Variants in LTBP3 observed in about 807,000 individuals in gnomAD.
LTBP3 encodes the protein latent-transforming growth factor beta-binding protein 3.
Under a neutral mutation model 159.7 loss-of-function variants are expected in LTBP3, and 97 were observed. The observed-to-expected ratio is 0.61, with a 90% CI of 0.52 to 0.72. The LOEUF (loss-of-function observed/expected upper bound fraction) is 0.72, where lower values mean the gene tolerates loss of function less well. LTBP3 is among the 30% of genes least tolerant of loss of function. The pLI is 0.00. For missense variants in LTBP3, 1,584 were observed against 1,864.3 expected, an observed-to-expected ratio of 0.85 and a Z score of 2.77; for synonymous variants, 824 against 777.1, an observed-to-expected ratio of 1.06 and a Z score of -1.00.
chr11:65,551,324 C>G (rs1037136001), intron 10 of LTBP3, 78 bp downstream of exon 10: 1 of 1,562,134 alleles, frequency 6.4e-7, no homozygotes. Context: ...TGACTGTCCC[C>G]GAGTACTTAA....
intron 18 of LTBP3, chr11:65,542,032 G>A (rs964926743): frequency 7.8e-5 from 30 of 382,214 alleles, no homozygotes; most frequent in Non-Finnish European, 1.5e-5. Flanking sequence ...CCTTACTCTA[G>A]ACCACCCTCC....
chr11:65,551,729 A>G (rs780557114), intron 8 of LTBP3, 165 bp from the exon 9 acceptor site: 132 of 953,432 alleles, frequency 1.4e-4, no homozygotes, highest in Non-Finnish European at 2.0e-4. Flanking sequence ...GTGTTTGCAT[A>G]GTAGTCACAT....
chr11:65,552,975 G>A lies in LTBP3; in HGVS notation c.1071C>T (p.Asn357=), dbSNP rs1401871376. ...GACACACGCCCGGCATTGCGCACTCGTTGATGTCTGTGGTAAGTGGAAGTT... is the reference window on the plus strand; with the variant it reads ...GACACACGCCCGGCATTGCGCACTCATTGATGTCTGTGGTAAGTGGAAGTT... The part of the protein sequence containing the change: ...RLNSTHCQDI[N]ECAMPGVCRH... Residue 357 remains asparagine (N), a synonymous_variant, in exon 6 of 28, where the codon AAC becomes AAT. Transcript: ENST00000301873. The surrounding 1 kb of genome is among the most constrained non-coding windows in gnomAD (Gnocchi z 6.0). 3 of 1,614,176 alleles carry A rather than the reference G, an allele frequency of 1.9e-6. No individual in the cohort carries two copies. The highest frequency in any genetic ancestry group is 1.7e-6 in the Non-Finnish European group (2 of 1,180,026).
In LTBP3 at chr11:65,543,523, C is replaced by T. The variant is rs144309426; in HGVS notation, c.2380G>A (p.Val794Met). The change falls in exon 17 of 28, where the codon GTG becomes ATG. Residue 794 changes from valine (V) to methionine (M), a missense_variant. Coordinates refer to ENST00000301873, the MANE Select transcript of LTBP3 (RefSeq NM_001130144.3). ...LDVDECEAGD[V>M]CDNGICSNTP... ...TTGCTGCAGATGCCATTGTCACACACGTCCCCAGCCTCACACTCGTCCACA... is the reference window on the plus strand; with the variant it reads ...TTGCTGCAGATGCCATTGTCACACATGTCCCCAGCCTCACACTCGTCCACA... 265 of 1,614,102 alleles carry T rather than the reference C, an allele frequency of 1.6e-4. 2 individuals carry two copies. The highest frequency in any genetic ancestry group is 3.5e-4 in the Admixed American group (21 of 60,024).
In LTBP3 at chr11:65,552,523, T is replaced by A; in HGVS notation, c.1187-117A>T. The stretch of plus-strand genomic sequence containing the variant: ...AGACAACCCTTGATCCCCCATGTGG[T>A]CTCTGACCCCATATGACCCTGAACT... On this transcript the variant is annotated intron_variant, in intron 6 of 27. Coordinates refer to ENST00000301873, the MANE Select transcript of LTBP3 (RefSeq NM_001130144.3). This position sits in a 1 kb window ranked among gnomAD's most constrained non-coding sequence, Gnocchi z 6.0. 7.7e-7 allele frequency: 1 copy of A among 1,306,006 alleles called. No homozygotes were observed. Among genetic ancestry groups the A allele is most frequent in the Non-Finnish European group, 1.1e-6 (1 of 937,826 alleles). The allele number at this position is 1,306,006 out of a possible 1,614,324, so 80.9% of individuals were successfully genotyped here.
chr11:65,554,404 C>T lies in LTBP3; in HGVS notation c.332-24G>A. On this transcript the variant is annotated intron_variant, in intron 1 of 27. Transcript: ENST00000301873. The surrounding 1 kb of genome is among the most constrained non-coding windows in gnomAD (Gnocchi z 5.3). ...CACTGGGGAGAAGAGTGGGGTCAGG[C>T]CCTCACCCACATCCTGTCTCTTTCC... 3 of 1,579,194 alleles carry T rather than the reference C, an allele frequency of 1.9e-6. No homozygotes were observed. The highest frequency in any genetic ancestry group is 2.3e-5 in the East Asian group (1 of 44,346).
Position 65,554,258 on chromosome 11 carries a change from C to T in LTBP3, c.454G>A (p.Gly152Ser), listed in dbSNP as rs200142302. Residue 152 changes from glycine to serine, a missense_variant, in exon 2 of 28, where the codon GGC becomes AGC. Transcript: ENST00000301873. This position sits in a 1 kb window ranked among gnomAD's most constrained non-coding sequence, Gnocchi z 5.3. ...VPAGGAGGGT[G>S]GSGPGLSRTG... ...CTGCTCAGGCCGGGGCCTGAGCCGC[C>T]GGTACCCCCACCGGCTCCTCCTGCG... The T allele has an allele frequency of 1.4e-4, 222 of 1,609,582 alleles. No individual in the cohort carries two copies. The highest frequency in any genetic ancestry group is 2.8e-4 in the Admixed American group (17 of 59,696).
chr11:65,543,665 A>G lies in LTBP3; in HGVS notation c.2354-116T>C, dbSNP rs562127577. The G allele has an allele frequency of 1.4e-5, 19 of 1,355,410 alleles. No homozygotes were observed. The Admixed American group carries it at 2.4e-4, about 17-fold the overall frequency. The allele number at this position is 1,355,410 out of a possible 1,614,324, so 84.0% of individuals were successfully genotyped here. A position where few individuals can be genotyped will look rare whatever the true frequency, so the allele number is the denominator to read the frequency against. On this transcript the variant is annotated intron_variant, in intron 16 of 27. Transcript: ENST00000301873. ...CAGAGCTGAGGCCAGCAGCACTCAG[A>G]AGCACAGGCCTCACCCTGCTTCTGG...
intron 18 of LTBP3, 164 bp from the exon 19 acceptor site, chr11:65,541,892 A>G: frequency 1.3e-6 from 1 of 763,310 alleles, no homozygotes; most frequent in Non-Finnish European, 2.2e-6. Flanking sequence ...GTGCATGTGG[A>G]CATTAGCTGC....
At chr11:65,540,746 T>TACA in intron 21 of LTBP3, 125 bp downstream of exon 21, 1 of 1,013,378 alleles carries the variant, frequency 9.9e-7, no homozygotes, top group Non-Finnish European at 1.3e-6. Context: ...GGGCGGGGCC[T>TACA]GCGAGGAAGG....
At chr11:65,549,262 C>T (rs970343766) in intron 11 of LTBP3, among the ~76,000 whole-genome samples, 8 of 152,190 alleles carry the variant, frequency 5.3e-5, no homozygotes, top group Middle Eastern at 3.2e-3. Context: ...CACTGGACTT[C>T]CCCTGGTTCA....
intron 1 of LTBP3, among the ~76,000 whole-genome samples, chr11:65,555,081 C>G (rs536091889): frequency 5.9e-5 from 9 of 152,136 alleles, no homozygotes; most frequent in Admixed American, 5.2e-4. Flanking sequence ...CGGCTCCGTC[C>G]CTCCTGCTCT....
intron 18 of LTBP3, 75 bp from the exon 19 acceptor site, chr11:65,541,803 AG>A (rs1187240894): frequency 5.4e-5 from 85 of 1,562,822 alleles, no homozygotes; most frequent in Non-Finnish European, 6.9e-5. Flanking sequence ...GCCTCACACA[AG>A]TTCAGAACCT....
intron 1 of LTBP3, among the ~76,000 whole-genome samples, chr11:65,556,397 G>A (rs764951746): frequency 6.6e-6 from 1 of 152,070 alleles, no homozygotes; most frequent in Non-Finnish European, 1.5e-5. Flanking sequence ...GCGTGGTGGC[G>A]CATGCCTGTA....
rs998235370 is a variant in LTBP3, at chr11:65,539,019, C to T, written c.*61G>A. 7 of 1,324,316 alleles carry T rather than the reference C, an allele frequency of 5.3e-6. No homozygotes were observed. In the Admixed American group the frequency reaches 1.2e-4, roughly 23 times the overall value. 82.0% of individuals were successfully genotyped at this position (1,324,316 alleles called of 1,614,324 possible). A position where few individuals can be genotyped will look rare whatever the true frequency, so the allele number is the denominator to read the frequency against. Reference sequence around the variant, plus strand: ...CCACAAGTCGGGGCAGAAGTGAGGCCGAGCTCGCGGAAATCCCTCAGTGAT... The same window carrying T: ...CCACAAGTCGGGGCAGAAGTGAGGCTGAGCTCGCGGAAATCCCTCAGTGAT... On this transcript the variant is annotated 3_prime_UTR_variant, in exon 28 of 28. Coordinates refer to ENST00000301873, the MANE Select transcript of LTBP3 (RefSeq NM_001130144.3).
Position 65,539,152 on chromosome 11 carries a change from GA to G in LTBP3, c.3839del (p.Phe1280SerfsTer39). The G allele has an allele frequency of 1.3e-6, 2 of 1,497,042 alleles. No individual in the cohort carries two copies. The highest frequency in any genetic ancestry group is 2.8e-5 in the East Asian group (1 of 36,268). The allele number at this position is 1,497,042 out of a possible 1,614,324, so 92.7% of individuals were successfully genotyped here. A position where few individuals can be genotyped will look rare whatever the true frequency, so the allele number is the denominator to read the frequency against. ...CGAAGCCGGCTTTGCAGACGCAGCG[GA>G]AGGAGCCGCTGGTGTTCACGCAGCG... ...SERCVNTSGS[F>X]RCVCKAGFAR... On this transcript the variant is annotated frameshift_variant, in exon 28 of 28. Coordinates refer to ENST00000301873, the MANE Select transcript of LTBP3 (RefSeq NM_001130144.3). LOFTEE classifies it high-confidence loss of function.
chr11:65,547,578 G>C lies in LTBP3; in HGVS notation c.1979-11C>G, dbSNP rs182705867. On this transcript the variant is annotated splice_polypyrimidine_tract_variant and intron_variant, in intron 13 of 27. Coordinates refer to ENST00000301873, the MANE Select transcript of LTBP3 (RefSeq NM_001130144.3). The surrounding 1 kb of genome is among the most constrained non-coding windows in gnomAD (Gnocchi z 4.6). ...CGCATTCGTTCAGGTCTGTGCGGGA[G>C]GAAGGGGCCACGAAGGGGGTGTAGG... The C allele has an allele frequency of 1.2e-3, 1,984 of 1,613,508 alleles. 26 individuals carry two copies. In the African/African-American group the frequency reaches 0.023, roughly 18 times the overall value.
chr11:65,557,614 GC>G lies in LTBP3; in HGVS notation c.331+14del, dbSNP rs1246286235. ...CTGTCCTTCCCCTGCCCCCAGCCGT[GC>G]CCCCGGCCCTCACCCACGCGGAAGC... On this transcript the variant is annotated intron_variant, in intron 1 of 27. Coordinates refer to ENST00000301873, the MANE Select transcript of LTBP3 (RefSeq NM_001130144.3). 8 of 1,607,206 alleles carry G rather than the reference GC, an allele frequency of 5.0e-6. No homozygotes were observed. Among genetic ancestry groups the G allele is most frequent in the Non-Finnish European group, 8.5e-7 (1 of 1,179,592 alleles).
rs956249120 is a variant in LTBP3 at position 65,547,864 on chromosome 11, G to A, written c.1847-43C>T. The A allele has an allele frequency of 1.9e-6, 3 of 1,613,170 alleles. No homozygotes were observed. The highest frequency in any genetic ancestry group is 2.2e-5 in the East Asian group (1 of 44,870). ...GCCAAGAAAAGTCAAAGGAAGCGTC[G>A]TTATCTGGGGTCCCCCCCCACCCAC... On this transcript the variant is annotated intron_variant, in intron 12 of 27. Coordinates refer to ENST00000301873, the MANE Select transcript of LTBP3 (RefSeq NM_001130144.3). The surrounding 1 kb of genome is among the most constrained non-coding windows in gnomAD (Gnocchi z 4.6).
Sources: allele counts gnomAD v4.1 joint callset (sites outside exome capture counted in the v4.1 genomes callset), GRCh38; gene constraint gnomAD v4.1.1; non-coding constraint Gnocchi (gnomAD v3.1); transcripts MANE v1.5; gene names NCBI Gene and HGNC (gene_info 2026-07-23, HGNC 2026-07-21).